Variants in AKAP6 observed in about 807,000 individuals in gnomAD.
AKAP6 encodes the protein A-kinase anchor protein 6.
AKAP6 carries 58 observed loss-of-function variants against 188.5 expected under a neutral mutation model. That is an observed-to-expected ratio of 0.31 (90% CI 0.25 to 0.38). The LOEUF (loss-of-function observed/expected upper bound fraction) is 0.38. AKAP6 is among the 10% of genes least tolerant of loss of function. The pLI, the probability that AKAP6 is intolerant of heterozygous loss-of-function variation, is 1.00. For missense variants in AKAP6, 2,710 were observed against 2,740.0 expected, an observed-to-expected ratio of 0.99 and a Z score of 0.24; for synonymous variants, 989 against 998.6, an observed-to-expected ratio of 0.99 and a Z score of 0.18.
intron 11 of AKAP6, among the ~76,000 whole-genome samples, chr14:32,743,614 A>C (rs2031770407): frequency 1.3e-5 from 2 of 152,134 alleles, no homozygotes; most frequent in Admixed American, 1.3e-4. Flanking sequence ...GATAACAACA[A>C]TACTGTTTGC....
intron 1 of AKAP6, among the ~76,000 whole-genome samples, chr14:32,428,977 AT>A (rs1016757821): frequency 6.6e-6 from 1 of 152,194 alleles, no homozygotes; most frequent in South Asian, 2.1e-4. Context: ...GATGGATGTT[AT>A]TTTTAACAGC....
intron 11 of AKAP6, among the ~76,000 whole-genome samples, chr14:32,752,227 T>C (rs1436841000): frequency 1.3e-5 from 2 of 152,186 alleles, no homozygotes; most frequent in African/African-American, 4.8e-5. Context: ...TTTATTGATA[T>C]TGAAGCATAG....
chr14:32,811,893 G>A (rs1246995962), intron 12 of AKAP6, among the ~76,000 whole-genome samples: 3 of 152,198 alleles, frequency 2.0e-5, no homozygotes, highest in African/African-American at 7.2e-5. Flanking sequence ...GGGACCTTAT[G>A]TCTATCTCAC....
chr14:32,684,347 C>A (rs1050413261), intron 8 of AKAP6, among the ~76,000 whole-genome samples: 2 of 152,120 alleles, frequency 1.3e-5, no homozygotes, highest in African/African-American at 2.4e-5. Flanking sequence ...TAGAGTTTTT[C>A]CTGCTGTAAT....
intron 12 of AKAP6, among the ~76,000 whole-genome samples, chr14:32,800,730 G>C (rs2033922962): frequency 6.6e-6 from 1 of 151,990 alleles, no homozygotes; most frequent in African/African-American, 2.4e-5. Context: ...AAGTGGGTTT[G>C]TGGGCCAGTT....
At chr14:32,517,045 G>A (rs1881559635) in intron 2 of AKAP6, among the ~76,000 whole-genome samples, 1 of 152,180 alleles carries the variant, frequency 6.6e-6, no homozygotes, top group African/African-American at 2.4e-5. Context: ...GAACTGCAGT[G>A]AATCAAAAGT....
intron 1 of AKAP6, among the ~76,000 whole-genome samples, chr14:32,419,910 GA>G (rs924476827): frequency 2.3e-4 from 34 of 147,788 alleles, no homozygotes; most frequent in African/African-American, 6.1e-4. Flanking sequence ...AAAAACAAAA[GA>G]AAAAAAACAA....
Position 32,732,804 on chromosome 14 carries a change from C to A in AKAP6, c.3147+204C>A, listed in dbSNP as rs2031243577. 24 of 638,790 alleles carry A rather than the reference C, an allele frequency of 3.8e-5. No individual in the cohort carries two copies. In the South Asian group the frequency reaches 4.8e-4, roughly 13 times the overall value. The allele number at this position is 638,790 out of a possible 1,614,324, so 39.6% of individuals were successfully genotyped here. On this transcript the variant is annotated intron_variant, in intron 10 of 13. Transcript: ENST00000280979. ...TTTTTTTTTTCTGAGCTTGTCCCCTCTCAGATTTTAATAATTTTGGTTCTT... is the reference window on the plus strand; with the variant it reads ...TTTTTTTTTTCTGAGCTTGTCCCCTATCAGATTTTAATAATTTTGGTTCTT...
At chr14:32,340,049 AG>A (rs1254432236) in intron 1 of AKAP6, among the ~76,000 whole-genome samples, 3 of 151,874 alleles carry the variant, frequency 2.0e-5, no homozygotes, top group Non-Finnish European at 4.4e-5. Flanking sequence ...TTCTTTAAAA[AG>A]ACAAGCAATA....
chr14:32,537,348 C>G (rs1425195749), intron 3 of AKAP6, among the ~76,000 whole-genome samples: 1 of 152,106 alleles, frequency 6.6e-6, no homozygotes, highest in Non-Finnish European at 1.5e-5. Context: ...AGATGCCATC[C>G]CTCCCAAGTT....
rs200601936 is a variant in AKAP6 at position 32,546,656 on chromosome 14, A to T, written c.2003A>T (p.Asp668Val). Residue 668 changes from aspartate (D) to valine (V), a missense_variant, in exon 4 of 14, where the codon GAC becomes GTC. Asp to Val is a radical substitution (Grantham distance 152). Around this residue, in one of 2 missense-constraint regions of AKAP6, gnomAD observed 2,473 missense variants for 2,426.1 expected, o/e 1.02. Coordinates refer to ENST00000280979, the MANE Select transcript of AKAP6 (RefSeq NM_004274.5). ...PRGETIQNIDDWELSEMNSDS... is the reference protein window; with the variant it reads ...PRGETIQNIDVWELSEMNSDS... ...GGAGAAACCATCCAGAATATTGATG[A>T]CTGGGAACTGTCTGAAATGAATTCA... 1.2e-6 allele frequency: 2 copies of T among 1,614,156 alleles called. No individual in the cohort carries two copies. The highest frequency in any genetic ancestry group is 4.5e-5 in the East Asian group (2 of 44,876).
intron 11 of AKAP6, among the ~76,000 whole-genome samples, chr14:32,769,326 AT>A (rs1327070806): frequency 6.6e-6 from 1 of 151,730 alleles, no homozygotes; most frequent in East Asian, 1.9e-4. Flanking sequence ...GGGATTACAG[AT>A]ATGAGCCACT....
intron 2 of AKAP6, among the ~76,000 whole-genome samples, chr14:32,483,482 ATTAT>A (rs1879475888): frequency 6.6e-6 from 1 of 151,878 alleles, no homozygotes; most frequent in Non-Finnish European, 1.5e-5. Context: ...TTTTAAAAAA[ATTAT>A]TTATTTATTT....
chr14:32,521,791 C>T (rs142721145), intron 2 of AKAP6, among the ~76,000 whole-genome samples: 1,909 of 152,162 alleles, frequency 0.013, 51 homozygotes, highest in African/African-American at 0.044. Context: ...CAATGCCATC[C>T]CCATCAAGCT....
intron 2 of AKAP6, among the ~76,000 whole-genome samples, chr14:32,513,367 C>T (rs964888862): frequency 1.3e-5 from 2 of 152,130 alleles, no homozygotes; most frequent in African/African-American, 4.8e-5. Context: ...ACAATCAGAG[C>T]AAACACAGTT....
intron 9 of AKAP6, among the ~76,000 whole-genome samples, chr14:32,704,778 G>A (rs1005370640): frequency 6.6e-6 from 1 of 152,152 alleles, no homozygotes; most frequent in South Asian, 2.1e-4. Context: ...TAGGCTTAAT[G>A]TTCCATGTAA....
At chr14:32,359,284 T>C (rs906136008) in intron 1 of AKAP6, among the ~76,000 whole-genome samples, 1 of 152,192 alleles carries the variant, frequency 6.6e-6, no homozygotes, top group Non-Finnish European at 1.5e-5. Context: ...TTTTCCTGTT[T>C]ATTTCTGATT....
At chr14:32,504,608 T>C (rs1368239306) in intron 2 of AKAP6, among the ~76,000 whole-genome samples, 1 of 152,222 alleles carries the variant, frequency 6.6e-6, no homozygotes, top group Non-Finnish European at 1.5e-5. Flanking sequence ...TTTATTCCAT[T>C]ATCTGATTGA....
chr14:32,620,711 A>G (rs560879909), intron 7 of AKAP6, among the ~76,000 whole-genome samples: 16 of 152,164 alleles, frequency 1.1e-4, no homozygotes, highest in Non-Finnish European at 1.5e-4. Flanking sequence ...TTCTTTCTCA[A>G]TCTTTTAGAA....
Sources: allele counts gnomAD v4.1 joint callset (sites outside exome capture counted in the v4.1 genomes callset), GRCh38; gene constraint gnomAD v4.1.1; regional missense constraint gnomAD v4.1.1; transcripts MANE v1.5; gene names NCBI Gene and HGNC (gene_info 2026-07-23, HGNC 2026-07-21).